The following FIG4 variants were observed in gnomAD, a reference collection of about 807,000 sequenced individuals.
FIG4 encodes FIG4 phosphoinositide 5-phosphatase.
FIG4 carries 112 observed loss-of-function variants against 118.6 expected under a neutral mutation model. The ratio of observed to expected loss-of-function variants is 0.94; its 90% confidence interval spans 0.81 to 1.11. The LOEUF is 1.11. FIG4 is among the 50% of genes least tolerant of loss of function. FIG4 has a pLI of 0.00. For synonymous variants in FIG4, 369 were observed against 381.2 expected, an observed-to-expected ratio of 0.97 and a Z score of 0.37; for missense variants, 969 against 1,111.7, an observed-to-expected ratio of 0.87 and a Z score of 1.83.
At chr6:109,718,916 T>C (rs1198292418) in intron 3 of FIG4, among the ~76,000 whole-genome samples, 2 of 131,964 alleles carry the variant, frequency 1.5e-5, no homozygotes, top group Non-Finnish European at 3.2e-5. Context: ...TGATACCTTA[T>C]TACATTTTTT....
intron 1 of FIG4, 152 bp downstream of exon 1, chr6:109,691,653 C>T (rs1023130683): frequency 7.9e-6 from 6 of 763,250 alleles, no homozygotes; most frequent in South Asian, 6.4e-5. Context: ...AAGCTAGCTC[C>T]CTTGAGCTGT....
chr6:109,817,676 G>A (rs145654402), intron 22 of FIG4, among the ~76,000 whole-genome samples: 6 of 152,178 alleles, frequency 3.9e-5, no homozygotes, highest in African/African-American at 9.6e-5. Flanking sequence ...ATATATGTGC[G>A]TATGGCAGAC....
At position 109,731,217 on chromosome 6, in the gene FIG4, A is replaced by G. The variant is rs546884589; in HGVS notation, c.447-1420A>G. ...CAGAGATGTGGGAAATGAGTTGTAT[A>G]CTATGAGTTATACACTATGAGTTGG... On this transcript the variant is annotated intron_variant, in intron 4 of 22. Transcript: ENST00000230124. Among the ~76,000 whole-genome samples the G allele has an allele frequency of 3.9e-4, 60 of 152,338 alleles. 1 individual carries two copies. Among genetic ancestry groups the G allele is most frequent in the African/African-American group, 1.3e-3 (55 of 41,588 alleles).
chr6:109,705,298 C>T (rs1277306307), intron 1 of FIG4, among the ~76,000 whole-genome samples: 1 of 152,168 alleles, frequency 6.6e-6, no homozygotes, highest in Non-Finnish European at 1.5e-5. Context: ...GAAGTTACCT[C>T]TTAAAAAATT....
At chr6:109,783,345 AG>A (rs1166624573) in intron 16 of FIG4, among the ~76,000 whole-genome samples, 1 of 152,230 alleles carries the variant, frequency 6.6e-6, no homozygotes. Flanking sequence ...GCCCATTTCC[AG>A]TATCAGCTCC....
At position 109,763,998 on chromosome 6, in the gene FIG4, C is replaced by G; in HGVS notation, c.1434+16C>G. The G allele has an allele frequency of 1.9e-6, 3 of 1,545,576 alleles. No individual in the cohort carries two copies. The highest frequency in any genetic ancestry group is 2.7e-6 in the Non-Finnish European group (3 of 1,117,464). ...TCGCCTGCAGGTATACACAGTATTA[C>G]AATTCGTAATGAATAGAATCTGTAT... On this transcript the variant is annotated intron_variant, in intron 13 of 22. Transcript: ENST00000230124.
chr6:109,792,390 A>C (rs1778159463), intron 20 of FIG4, among the ~76,000 whole-genome samples, 192 bp from the exon 21 acceptor site: 1 of 152,240 alleles, frequency 6.6e-6, no homozygotes, highest in Non-Finnish European at 1.5e-5. Context: ...ATCCTAGAAT[A>C]AACTATTTTT....
At chr6:109,710,399 A>G (rs1211062706) in intron 1 of FIG4, among the ~76,000 whole-genome samples, 1 of 152,172 alleles carries the variant, frequency 6.6e-6, no homozygotes, top group Non-Finnish European at 1.5e-5. Flanking sequence ...TCACAAGGAT[A>G]TTGGCCTGAA....
chr6:109,759,955 G>A (rs1777050252), intron 10 of FIG4, among the ~76,000 whole-genome samples: 1 of 152,188 alleles, frequency 6.6e-6, no homozygotes, highest in Admixed American at 6.5e-5. Context: ...CAGGTGTGGA[G>A]TGTGTGGGCC....
chr6:109,768,942 C>T (rs1777364503), intron 15 of FIG4, among the ~76,000 whole-genome samples: 1 of 152,068 alleles, frequency 6.6e-6, no homozygotes, highest in South Asian at 2.1e-4. Context: ...CTCTGAAAAC[C>T]CAGAGAGGAG....
intron 10 of FIG4, among the ~76,000 whole-genome samples, chr6:109,752,994 C>A (rs1434045174): frequency 6.6e-6 from 1 of 152,098 alleles, no homozygotes; most frequent in African/African-American, 2.4e-5. Flanking sequence ...AGTCTTTAAT[C>A]CATCTTGAAT....
At chr6:109,740,308 C>A (rs1776285101) in intron 7 of FIG4, among the ~76,000 whole-genome samples, 1 of 152,082 alleles carries the variant, frequency 6.6e-6, no homozygotes, top group Admixed American at 6.6e-5. Context: ...CATTTTAAAG[C>A]TCGTAAGTTT....
chr6:109,762,018 G>A, intron 11 of FIG4, 73 bp from the exon 12 acceptor site: 1 of 874,184 alleles, frequency 1.1e-6, no homozygotes, highest in Non-Finnish European at 1.9e-6. Flanking sequence ...AGACTTTACT[G>A]GCTTTAGATA....
intron 22 of FIG4, among the ~76,000 whole-genome samples, chr6:109,811,751 A>G (rs1385734168): frequency 6.6e-6 from 1 of 152,212 alleles, no homozygotes; most frequent in Non-Finnish European, 1.5e-5. Context: ...TGGAGCAGGT[A>G]CAGGTCAGGA....
At chr6:109,821,982 G>A (rs1416436474) in intron 22 of FIG4, among the ~76,000 whole-genome samples, 1 of 152,182 alleles carries the variant, frequency 6.6e-6, no homozygotes, top group Non-Finnish European at 1.5e-5. Context: ...CGAGGTTGCA[G>A]TGAGCCATGA....
At chr6:109,753,531 G>A (rs1776780240) in intron 10 of FIG4, among the ~76,000 whole-genome samples, 1 of 152,082 alleles carries the variant, frequency 6.6e-6, no homozygotes, top group Non-Finnish European at 1.5e-5. Flanking sequence ...AATTACCTTG[G>A]GCAATAGGGC....
At chr6:109,711,994 G>A (rs571080076) in intron 1 of FIG4, among the ~76,000 whole-genome samples, 1 of 152,162 alleles carries the variant, frequency 6.6e-6, no homozygotes, top group African/African-American at 2.4e-5. Context: ...TGAAAAGGAT[G>A]TATTTCTCCT....
At chr6:109,798,557 C>T (rs147899738) in intron 22 of FIG4, among the ~76,000 whole-genome samples, 121 of 152,218 alleles carry the variant, frequency 7.9e-4, no homozygotes, top group African/African-American at 2.7e-3. Flanking sequence ...TGTAAATGCT[C>T]ATGAGTAATA....
At chr6:109,803,579 C>T (rs1366289195) in intron 22 of FIG4, among the ~76,000 whole-genome samples, 3 of 151,878 alleles carry the variant, frequency 2.0e-5, no homozygotes, top group African/African-American at 4.8e-5. Flanking sequence ...TGGGTTTTCT[C>T]GGCTATTGAT....
Sources: allele counts gnomAD v4.1 joint callset (sites outside exome capture counted in the v4.1 genomes callset), GRCh38; gene constraint gnomAD v4.1.1; transcripts MANE v1.5; gene names NCBI Gene and HGNC (gene_info 2026-07-23, HGNC 2026-07-21).